Variants in PCDHA4 observed in about 807,000 individuals in gnomAD.
The protein encoded by PCDHA4 is protocadherin alpha 4, also known as protocadherin alpha-4.
PCDHA4 carries 49 observed loss-of-function variants against 61.4 expected under a neutral mutation model. The ratio of observed to expected loss-of-function variants is 0.80; its 90% confidence interval spans 0.63 to 1.01. The LOEUF (loss-of-function observed/expected upper bound fraction) is 1.01. Among genes scored for constraint, PCDHA4 ranks in the 50% least tolerant of loss-of-function variants. The pLI is 0.00. For missense variants in PCDHA4, 1,254 were observed against 1,235.8 expected (o/e 1.01, Z -0.22); for synonymous variants, 590 against 550.3 (o/e 1.07, Z -1.01).
chr5:140,989,788 G>GC (rs1331311072), intron 3 of PCDHA4, among the ~76,000 whole-genome samples: 30 of 152,276 alleles, frequency 2.0e-4, no homozygotes, highest in African/African-American at 4.6e-4. Context: ...GAGACTAGAG[G>GC]CCCCCAGGAA....
chr5:140,845,177 C>T (rs1328451437), intron 1 of PCDHA4, among the ~76,000 whole-genome samples: 1 of 149,016 alleles, frequency 6.7e-6, no homozygotes, highest in East Asian at 1.9e-4. Context: ...TCATTTTAGT[C>T]CTTTAAAAAA....
chr5:140,891,893 CAAG>C (rs2063302978), intron 1 of PCDHA4, among the ~76,000 whole-genome samples: 1 of 152,210 alleles, frequency 6.6e-6, no homozygotes, highest in Non-Finnish European at 1.5e-5. Flanking sequence ...GACGATGCAG[CAAG>C]AAGATCTTCA....
At chr5:140,914,166 G>A (rs183790385) in intron 1 of PCDHA4, among the ~76,000 whole-genome samples, 2 of 152,250 alleles carry the variant, frequency 1.3e-5, no homozygotes, top group African/African-American at 2.4e-5. Context: ...TACGGAAAGT[G>A]GGGTGTTGAA....
chr5:140,853,619 G>A lies in PCDHA4; in HGVS notation c.2385+44047G>A. 2 of 988,316 alleles carry A rather than the reference G, an allele frequency of 2.0e-6. 1 individual carries two copies. Among genetic ancestry groups the A allele is most frequent in the Non-Finnish European group, 2.4e-6 (2 of 820,378 alleles). 61.2% of individuals were successfully genotyped at this position (988,316 alleles called of 1,614,324 possible). ...AGAGCAAAGGGGGTGCTGTAAATAA[G>A]TATACAAGATCACAGACCTAAATTG... On this transcript the variant is annotated intron_variant, in intron 1 of 3. Transcript: ENST00000530339.
At position 140,832,567 on chromosome 5, in the gene PCDHA4, G is replaced by A. The variant is rs138843846; in HGVS notation, c.2385+22995G>A. 2.6e-5 allele frequency among the ~76,000 whole-genome samples: 4 copies of A among 152,302 alleles called. No individual in the cohort carries two copies. The East Asian group carries it at 7.7e-4, about 29-fold the overall frequency. On this transcript the variant is annotated intron_variant, in intron 1 of 3. Coordinates refer to ENST00000530339, the MANE Select transcript of PCDHA4 (RefSeq NM_018907.4). ...AATGATATCTAACAGCCTCAAAACAGCATACTTTCTTAGGAAGTAGAGAAC... is the reference window on the plus strand; with the variant it reads ...AATGATATCTAACAGCCTCAAAACAACATACTTTCTTAGGAAGTAGAGAAC...
chr5:140,958,035 T>G (rs1284725890), intron 1 of PCDHA4, among the ~76,000 whole-genome samples: 2 of 152,120 alleles, frequency 1.3e-5, no homozygotes, highest in African/African-American at 4.8e-5. Context: ...ATGCTTTCTT[T>G]GCTTGTGATA....
rs2150181468 is a variant in PCDHA4 at position 140,830,125 on chromosome 5, G to A, written c.2385+20553G>A. 1.5e-5 allele frequency: 24 copies of A among 1,613,450 alleles called. No individual in the cohort carries two copies. In the East Asian group the frequency reaches 4.9e-4, roughly 33 times the overall value. On this transcript the variant is annotated intron_variant, in intron 1 of 3. Coordinates refer to ENST00000530339, the MANE Select transcript of PCDHA4 (RefSeq NM_018907.4). ...TGGAGAGTGGCCAGGCTCCAAAGGC[G>A]TCATCACGGGCGTCGGTGGGCGCCG...
At position 140,836,068 on chromosome 5, in the gene PCDHA4, C is replaced by T. The variant is rs2150251885; in HGVS notation, c.2385+26496C>T. 8.1e-6 allele frequency: 13 copies of T among 1,613,540 alleles called. No individual in the cohort carries two copies. The highest frequency in any genetic ancestry group is 1.6e-4 in the Middle Eastern group (1 of 6,084). ...TTCGTGCTGGACGAGAACGACAACG[C>T]GCCGGCACTGCTGGCGCCTCGGGTG... On this transcript the variant is annotated intron_variant, in intron 1 of 3. Coordinates refer to ENST00000530339, the MANE Select transcript of PCDHA4 (RefSeq NM_018907.4).
At position 140,856,354 on chromosome 5, in the gene PCDHA4, C is replaced by T. The variant is rs2043948019; in HGVS notation, c.2385+46782C>T. On this transcript the variant is annotated intron_variant, in intron 1 of 3. Coordinates refer to ENST00000530339, the MANE Select transcript of PCDHA4 (RefSeq NM_018907.4). ...TGTGCGGGCGGAGCGTGGAGTGCAGCATCCACCTGGAGGTGATCGTGGACA... is the reference window on the plus strand; with the variant it reads ...TGTGCGGGCGGAGCGTGGAGTGCAGTATCCACCTGGAGGTGATCGTGGACA... The T allele has an allele frequency of 3.8e-6, 6 of 1,598,616 alleles. 1 individual carries two copies. Among genetic ancestry groups the T allele is most frequent in the African/African-American group, 2.7e-5 (2 of 74,434 alleles).
rs2150341086 is a variant in PCDHA4 at position 140,842,645 on chromosome 5, T to C, written c.2385+33073T>C. ...TTCGCTGTGGGCCACCGCCAGCTTG[T>C]CTGTGGAGGTGGCCGACGTGAACGA... On this transcript the variant is annotated intron_variant, in intron 1 of 3. Transcript: ENST00000530339. 5 of 1,595,026 alleles carry C rather than the reference T, an allele frequency of 3.1e-6. No individual in the cohort carries two copies. In the Admixed American group the frequency reaches 6.8e-5, roughly 22 times the overall value.
At chr5:140,966,914 G>A in intron 1 of PCDHA4, 1 of 1,602,270 alleles carries the variant, frequency 6.2e-7, no homozygotes, top group Non-Finnish European at 8.5e-7. Context: ...CTCTGTGCCA[G>A]AGGAGCAGGC....
At position 140,834,260 on chromosome 5, in the gene PCDHA4, C is replaced by T. The variant is rs2150214634; in HGVS notation, c.2385+24688C>T. The stretch of plus-strand genomic sequence containing the variant: ...CTTTTCGCACTGGAAAGACGCTCCA[C>T]TCTCTTTCACTCTTTGGATGCACAA... On this transcript the variant is annotated intron_variant, in intron 1 of 3. Transcript: ENST00000530339. The T allele has an allele frequency of 9.3e-6, 9 of 972,854 alleles. No homozygotes were observed. In the South Asian group the frequency reaches 1.5e-4, roughly 16 times the overall value. 60.3% of individuals were successfully genotyped at this position (972,854 alleles called of 1,614,324 possible).
chr5:140,829,028 G>A, intron 1 of PCDHA4: 1 of 1,613,544 alleles, frequency 6.2e-7, no homozygotes, highest in East Asian at 2.2e-5. Flanking sequence ...TTTTGAACAA[G>A]AAAACTTATA....
intron 1 of PCDHA4, among the ~76,000 whole-genome samples, chr5:140,946,434 T>C (rs1554217579): frequency 2.0e-5 from 3 of 151,312 alleles, no homozygotes; most frequent in South Asian, 2.1e-4. Context: ...TACTCAAAAA[T>C]TGAGACTAAA....
intron 1 of PCDHA4, among the ~76,000 whole-genome samples, chr5:140,901,839 A>G (rs578262204): frequency 6.6e-6 from 1 of 152,226 alleles, no homozygotes; most frequent in Admixed American, 6.5e-5. Context: ...TAAACATGCA[A>G]TATCTTTCCA....
At position 140,829,016 on chromosome 5, in the gene PCDHA4, G is replaced by C. The variant is rs1554131717; in HGVS notation, c.2385+19444G>C. The C allele has an allele frequency of 5.0e-6, 8 of 1,613,532 alleles. No individual in the cohort carries two copies. In the East Asian group the frequency reaches 1.6e-4, roughly 31 times the overall value. ...AGAAATAGTGATTCGGGGTAATTTG[G>C]ATTTTGAACAAGAAAACTTATACAA... is the stretch of plus-strand genomic sequence containing the variant. On this transcript the variant is annotated intron_variant, in intron 1 of 3. Coordinates refer to ENST00000530339, the MANE Select transcript of PCDHA4 (RefSeq NM_018907.4).
At chr5:140,985,608 G>A (rs76669319) in intron 3 of PCDHA4, among the ~76,000 whole-genome samples, 1,553 of 152,166 alleles carry the variant, frequency 0.01, 12 homozygotes, top group Middle Eastern at 0.054. Context: ...AGCCCTTTCC[G>A]TGAACCAGCT....
intron 1 of PCDHA4, among the ~76,000 whole-genome samples, chr5:140,890,919 G>A (rs181566078): frequency 3.0e-4 from 46 of 152,178 alleles, no homozygotes; most frequent in Admixed American, 9.2e-4. Flanking sequence ...TAATTTGAGA[G>A]TTTCCTTTAG....
At chr5:140,916,377 C>T (rs1436518298) in intron 1 of PCDHA4, among the ~76,000 whole-genome samples, 4 of 152,092 alleles carry the variant, frequency 2.6e-5, no homozygotes, top group African/African-American at 9.7e-5. Flanking sequence ...CTGTAGCCAC[C>T]ACAACTAGGA....
Sources: gnomAD v4.1 joint callset for allele counts (sites outside exome capture counted in the v4.1 genomes callset) on GRCh38, gnomAD v4.1.1 for gene constraint, MANE v1.5 for transcripts, NCBI Gene and HGNC (gene_info 2026-07-23, HGNC 2026-07-21) for gene names.